STX8: variants seen among roughly 807,000 people sequenced by gnomAD.
STX8 encodes the protein syntaxin-8.
STX8 carries 23 observed loss-of-function variants against 37.5 expected under a neutral mutation model. The ratio of observed to expected loss-of-function variants is 0.61; its 90% CI spans 0.44 to 0.87. The LOEUF (loss-of-function observed/expected upper bound fraction) is 0.87. Ranked by LOEUF, STX8 falls within the 40% of genes least tolerant of loss-of-function variation. The pLI is 0.00. For synonymous variants in STX8, 115 were observed against 99.1 expected (o/e 1.16, Z -0.95); for missense variants, 313 against 284.7 (o/e 1.10, Z -0.71).
At chr17:9,490,357 G>A (rs777656307) in intron 6 of STX8, among the ~76,000 whole-genome samples, 29 of 148,924 alleles carry the variant, frequency 1.9e-4, no homozygotes, top group Non-Finnish European at 3.7e-4. Context: ...GGGCTTCGAT[G>A]CTTGCTCATA....
At chr17:9,269,056 G>T (rs992570908) in intron 7 of STX8, among the ~76,000 whole-genome samples, 1,034 of 142,734 alleles carry the variant, frequency 7.2e-3, no homozygotes, top group Non-Finnish European at 0.012. Context: ...GCATGGTGGC[G>T]GGCGCCTGTA....
Position 9,433,266 on chromosome 17 carries a change from G to A in STX8, c.542-54613C>T, listed in dbSNP as rs140713125. ...ATCACGTCTCCTTCACTTATGATGAGCTAGACGGTCTTAACCAAATAACCC... is the reference window on the plus strand; with the variant it reads ...ATCACGTCTCCTTCACTTATGATGAACTAGACGGTCTTAACCAAATAACCC... On this transcript the variant is annotated intron_variant, in intron 6 of 7. Transcript: ENST00000306357. 2.0e-5 allele frequency among the ~76,000 whole-genome samples: 3 copies of A among 152,336 alleles called. No homozygotes were observed. In the East Asian group the frequency reaches 5.8e-4, roughly 29 times the overall value.
At chr17:9,557,350 G>A in intron 3 of STX8, 84 bp downstream of exon 3, 1 of 1,151,614 alleles carries the variant, frequency 8.7e-7, no homozygotes, top group East Asian at 2.5e-5. Context: ...GGAAAATCTG[G>A]GTGGCCCAGA....
At chr17:9,301,345 C>T (rs1908773783) in intron 7 of STX8, among the ~76,000 whole-genome samples, 1 of 152,070 alleles carries the variant, frequency 6.6e-6, no homozygotes, top group African/African-American at 2.4e-5. Context: ...AAGGTGATTA[C>T]AAGGCTTTAC....
intron 7 of STX8, among the ~76,000 whole-genome samples, chr17:9,341,045 A>G (rs1450327946): frequency 6.7e-6 from 1 of 148,766 alleles, no homozygotes; most frequent in African/African-American, 2.4e-5. Context: ...TAAATTGTAA[A>G]ATTTAAAATT....
intron 7 of STX8, among the ~76,000 whole-genome samples, chr17:9,367,294 G>A (rs1201115775): frequency 6.6e-6 from 1 of 151,710 alleles, no homozygotes; most frequent in Non-Finnish European, 1.5e-5. Flanking sequence ...CATTGAGGAT[G>A]TCAAAGCCAC....
At chr17:9,445,539 A>T (rs1597676931) in intron 6 of STX8, among the ~76,000 whole-genome samples, 1 of 104,476 alleles carries the variant, frequency 9.6e-6, no homozygotes, top group African/African-American at 3.5e-5. Context: ...GTGAGGGCTC[A>T]CGGAATGAAG....
intron 7 of STX8, among the ~76,000 whole-genome samples, chr17:9,355,160 T>G (rs1296222234): frequency 2.0e-5 from 3 of 152,158 alleles, no homozygotes; most frequent in African/African-American, 4.8e-5. Flanking sequence ...AATGGACTCT[T>G]TCAATAAATA....
chr17:9,554,958 G>A (rs949303490), intron 3 of STX8: 2 of 151,294 alleles, frequency 1.3e-5, no homozygotes, highest in African/African-American at 2.4e-5. Flanking sequence ...AGGTTTATGA[G>A]CGCCCTCATG....
intron 2 of STX8, among the ~76,000 whole-genome samples, chr17:9,562,695 C>T (rs993725626): frequency 1.3e-5 from 2 of 151,554 alleles, no homozygotes; most frequent in Non-Finnish European, 2.9e-5. Flanking sequence ...AAATTTAAAA[C>T]GACACTGAAA....
At chr17:9,332,355 C>T (rs917408827) in intron 7 of STX8, among the ~76,000 whole-genome samples, 13 of 152,148 alleles carry the variant, frequency 8.5e-5, no homozygotes, top group African/African-American at 2.9e-4. Flanking sequence ...ACAATGCGGA[C>T]GGAGTTAACA....
intron 3 of STX8, among the ~76,000 whole-genome samples, chr17:9,547,627 C>CAAAAAAAAAAAAAAAAA (rs11377271): frequency 1.9e-5 from 1 of 53,292 alleles, no homozygotes; most frequent in African/African-American, 7.7e-5. Context: ...GACTCCGTCT[C>CAAAAAAAAAAAAAAAAA]AAAAAAAAAA....
At chr17:9,319,666 A>G (rs1909508289) in intron 7 of STX8, among the ~76,000 whole-genome samples, 1 of 152,012 alleles carries the variant, frequency 6.6e-6, no homozygotes. Context: ...AATAAAATGA[A>G]AGCCGGCCAG....
At chr17:9,271,008 C>T (rs1005790176) in intron 7 of STX8, among the ~76,000 whole-genome samples, 1 of 152,180 alleles carries the variant, frequency 6.6e-6, no homozygotes, top group African/African-American at 2.4e-5. Flanking sequence ...ATGTTTCATT[C>T]ATTCCTTGTA....
At chr17:9,298,551 C>T (rs532224287) in intron 7 of STX8, among the ~76,000 whole-genome samples, 39 of 152,324 alleles carry the variant, frequency 2.6e-4, no homozygotes, top group Admixed American at 4.6e-4. Flanking sequence ...GTGGCTCACG[C>T]CTGTAATCCC....
chr17:9,264,833 G>T (rs138968408), intron 7 of STX8, among the ~76,000 whole-genome samples: 1 of 152,186 alleles, frequency 6.6e-6, no homozygotes, highest in East Asian at 1.9e-4. Context: ...GAAAAGAAAG[G>T]CCAGGTGCAG....
rs542429498 is a variant in STX8 at position 9,269,805 on chromosome 17, G to A, written c.644-19160C>T. ...ACACCTCTGTGCCTTGGCAGGGATC[G>A]TTCACACTGCTTTGGGGCCCTCTGC... is the stretch of plus-strand genomic sequence containing the variant. On this transcript the variant is annotated intron_variant, in intron 7 of 7. Coordinates refer to ENST00000306357, the MANE Select transcript of STX8 (RefSeq NM_004853.3). Among the ~76,000 whole-genome samples, 5 of 152,294 alleles carry A rather than the reference G, an allele frequency of 3.3e-5. No homozygotes were observed. In the East Asian group the frequency reaches 9.6e-4, roughly 29 times the overall value.
chr17:9,321,179 C>T (rs114975101), intron 7 of STX8, among the ~76,000 whole-genome samples: 6,839 of 152,076 alleles, frequency 0.045, 496 homozygotes, highest in African/African-American at 0.15. Context: ...GTATGTAGAG[C>T]GTATGAATGA....
intron 5 of STX8, among the ~76,000 whole-genome samples, chr17:9,496,622 T>C (rs1904415998): frequency 6.6e-6 from 1 of 152,232 alleles, no homozygotes; most frequent in Admixed American, 6.5e-5. Flanking sequence ...ACTATGAATA[T>C]GTTCCCTTAC....
Sources: gnomAD v4.1 joint callset for allele counts (sites outside exome capture counted in the v4.1 genomes callset) on GRCh38, gnomAD v4.1.1 for gene constraint, MANE v1.5 for transcripts, NCBI Gene and HGNC (gene_info 2026-07-23, HGNC 2026-07-21) for gene names.